Variants in ERBB4 observed in about 807,000 individuals in gnomAD.
The protein encoded by ERBB4 is erb-b2 receptor tyrosine kinase 4, also known as receptor tyrosine-protein kinase erbB-4.
Under a neutral mutation model 158.0 loss-of-function variants are expected in ERBB4, and 42 were observed. The ratio of observed to expected loss-of-function variants is 0.27; its 90% CI spans 0.21 to 0.34. ERBB4 has a LOEUF of 0.34. Ranked by LOEUF, ERBB4 falls within the 10% of genes least tolerant of loss-of-function variation. The pLI is 1.00. For missense variants in ERBB4, 1,333 were observed against 1,624.1 expected (o/e 0.82, Z 3.08); for synonymous variants, 583 against 558.7 (o/e 1.04, Z -0.61).
intron 5 of ERBB4, among the ~76,000 whole-genome samples, chr2:211,747,613 GC>G (rs2075012379): frequency 6.6e-6 from 1 of 152,036 alleles, no homozygotes; most frequent in Admixed American, 6.6e-5. Flanking sequence ...GCCAACAGAA[GC>G]AGATCTACTA....
Position 212,534,346 on chromosome 2 carries a change from T to C in ERBB4, c.82+4103A>G, listed in dbSNP as rs149849039. The stretch of plus-strand genomic sequence containing the variant: ...CTCACTAGCATTTTTTAAATAGCAG[T>C]GGTCCACCTTCCTTCCTTGGTCAAG... On this transcript the variant is annotated intron_variant, in intron 1 of 27. Coordinates refer to ENST00000342788, the MANE Select transcript of ERBB4 (RefSeq NM_005235.3). Among the ~76,000 whole-genome samples, 157 of 152,298 alleles carry C rather than the reference T, an allele frequency of 1.0e-3. 2 individuals carry two copies. The highest frequency in any genetic ancestry group is 1.6e-3 in the Admixed American group (25 of 15,300).
At chr2:212,237,635 G>A (rs761404345) in intron 1 of ERBB4, among the ~76,000 whole-genome samples, 3 of 152,196 alleles carry the variant, frequency 2.0e-5, no homozygotes, top group Non-Finnish European at 4.4e-5. Context: ...TCTCTTCAGA[G>A]CCAGCAGGCA....
At chr2:212,351,865 C>G (rs2089267478) in intron 1 of ERBB4, among the ~76,000 whole-genome samples, 1 of 152,104 alleles carries the variant, frequency 6.6e-6, no homozygotes, top group South Asian at 2.1e-4. Flanking sequence ...AGCACAGTGT[C>G]ATCTTTTCAA....
chr2:211,580,767 C>T (rs1453494331), intron 19 of ERBB4, among the ~76,000 whole-genome samples: 3 of 126,332 alleles, frequency 2.4e-5, no homozygotes, highest in East Asian at 2.3e-4. Flanking sequence ...CATCAATCAA[C>T]GGGTAGATAA....
At chr2:212,376,021 C>T (rs1175843419) in intron 1 of ERBB4, among the ~76,000 whole-genome samples, 1 of 151,922 alleles carries the variant, frequency 6.6e-6, no homozygotes, top group Non-Finnish European at 1.5e-5. Context: ...AATAAAATTC[C>T]TCTTGTTCAT....
chr2:211,487,668 T>A (rs1380835531), intron 20 of ERBB4, among the ~76,000 whole-genome samples: 1 of 152,008 alleles, frequency 6.6e-6, no homozygotes, highest in Non-Finnish European at 1.5e-5. Flanking sequence ...TTATCCCCAC[T>A]GGTAAAGTGA....
At chr2:212,110,618 AATGGG>A (rs1336880213) in intron 2 of ERBB4, among the ~76,000 whole-genome samples, 1 of 152,250 alleles carries the variant, frequency 6.6e-6, no homozygotes, top group Non-Finnish European at 1.5e-5. Flanking sequence ...GAAAAATTCA[AATGGG>A]ACTTTGCTAG....
At chr2:212,321,406 T>C (rs1434519755) in intron 1 of ERBB4, among the ~76,000 whole-genome samples, 1 of 150,566 alleles carries the variant, frequency 6.6e-6, no homozygotes, top group Non-Finnish European at 1.5e-5. Context: ...ACTGTTTATA[T>C]GGCAGAATTA....
At chr2:212,459,640 T>C (rs1688472805) in intron 1 of ERBB4, among the ~76,000 whole-genome samples, 1 of 152,116 alleles carries the variant, frequency 6.6e-6, no homozygotes, top group Non-Finnish European at 1.5e-5. Context: ...CAAAGCTATC[T>C]TGACCAAAAA....
chr2:212,313,598 A>G (rs1220622582), intron 1 of ERBB4, among the ~76,000 whole-genome samples: 1 of 150,924 alleles, frequency 6.6e-6, no homozygotes, highest in Non-Finnish European at 1.5e-5. Flanking sequence ...ATGTAATTCA[A>G]TGCTATGCTC....
intron 1 of ERBB4, among the ~76,000 whole-genome samples, chr2:212,279,007 T>C (rs1470652723): frequency 6.6e-6 from 1 of 151,612 alleles, no homozygotes. Context: ...TTTCACACTT[T>C]GTTAGGAAAG....
At chr2:211,806,164 A>C (rs1249286240) in intron 3 of ERBB4, among the ~76,000 whole-genome samples, 1 of 152,126 alleles carries the variant, frequency 6.6e-6, no homozygotes, top group Non-Finnish European at 1.5e-5. Context: ...TATATTTAAA[A>C]TTTCAGAATC....
At chr2:211,517,756 C>T (rs1318214433) in intron 20 of ERBB4, among the ~76,000 whole-genome samples, 1 of 152,194 alleles carries the variant, frequency 6.6e-6, no homozygotes. Flanking sequence ...CATTTGCAAG[C>T]TGCTTGTACT....
At chr2:211,664,984 T>G (rs1006595645) in intron 15 of ERBB4, among the ~76,000 whole-genome samples, 2 of 152,126 alleles carry the variant, frequency 1.3e-5, no homozygotes, top group African/African-American at 4.8e-5. Context: ...AACACAAACC[T>G]CAAAAGCATG....
At chr2:211,768,788 G>A (rs186125725) in intron 4 of ERBB4, among the ~76,000 whole-genome samples, 12 of 143,282 alleles carry the variant, frequency 8.4e-5, no homozygotes, top group East Asian at 1.9e-4. Flanking sequence ...CTTGTGATGC[G>A]AGGGTTGCCA....
chr2:211,882,038 A>T (rs1176978327), intron 3 of ERBB4, among the ~76,000 whole-genome samples: 1 of 152,040 alleles, frequency 6.6e-6, no homozygotes, highest in Non-Finnish European at 1.5e-5. Context: ...TATCCAGAAA[A>T]CCTTCACGGG....
chr2:211,902,961 G>A (rs1358271120), intron 3 of ERBB4, among the ~76,000 whole-genome samples: 2 of 151,848 alleles, frequency 1.3e-5, no homozygotes, highest in Admixed American at 1.3e-4. Flanking sequence ...AATTATCTCT[G>A]TAATCTCAAT....
chr2:211,436,179 C>T (rs2063849201), intron 20 of ERBB4, among the ~76,000 whole-genome samples: 1 of 152,192 alleles, frequency 6.6e-6, no homozygotes, highest in Non-Finnish European at 1.5e-5. Context: ...AAACTATTAT[C>T]TGGTGTTTCT....
intron 2 of ERBB4, among the ~76,000 whole-genome samples, chr2:211,990,035 G>A (rs1439701937): frequency 1.3e-5 from 2 of 150,208 alleles, no homozygotes; most frequent in Admixed American, 1.3e-4. Flanking sequence ...GTATAACTAA[G>A]TTAGGAATGA....
Sources: allele counts gnomAD v4.1 joint callset (sites outside exome capture counted in the v4.1 genomes callset), GRCh38; gene constraint gnomAD v4.1.1; transcripts MANE v1.5; gene names NCBI Gene and HGNC (gene_info 2026-07-23, HGNC 2026-07-21).